The following ANO4 variants were observed in gnomAD, a reference collection of about 807,000 sequenced individuals.
ANO4 encodes the protein anoctamin-4.
Under a neutral mutation model 141.9 loss-of-function variants are expected in ANO4, and 69 were observed. That is an observed-to-expected ratio of 0.49 (90% confidence interval 0.40 to 0.59). The LOEUF is 0.59. ANO4 is among the 20% of genes least tolerant of loss of function. ANO4 has a pLI of 0.00. For missense variants in ANO4, 894 were observed against 1,162.2 expected, an observed-to-expected ratio of 0.77 and a Z score of 3.36; for synonymous variants, 350 against 394.3, an observed-to-expected ratio of 0.89 and a Z score of 1.33.
At chr12:100,769,764 G>T (rs1219318475) in intron 3 of ANO4, among the ~76,000 whole-genome samples, 1 of 152,146 alleles carries the variant, frequency 6.6e-6, no homozygotes, top group Non-Finnish European at 1.5e-5. Flanking sequence ...TGGTAGAGCT[G>T]CATTAAGTTG....
intron 14 of ANO4, among the ~76,000 whole-genome samples, chr12:101,078,669 A>T: frequency 6.6e-6 from 1 of 152,246 alleles, no homozygotes; most frequent in South Asian, 2.1e-4. Context: ...ACAGGAAAAT[A>T]TATTTTACAT....
intron 26 of ANO4, among the ~76,000 whole-genome samples, chr12:101,121,376 C>T (rs2051084280): frequency 6.6e-6 from 1 of 152,126 alleles, no homozygotes; most frequent in African/African-American, 2.4e-5. Context: ...AGATAATGGC[C>T]TCCAGCTACA....
chr12:100,850,746 A>G (rs905638995), intron 1 of ANO4, among the ~76,000 whole-genome samples: 5 of 152,190 alleles, frequency 3.3e-5, no homozygotes, highest in Admixed American at 3.3e-4. Context: ...TTCTACCTTT[A>G]TCATATGAAT....
At chr12:100,938,153 T>A (rs905648498) in intron 3 of ANO4, among the ~76,000 whole-genome samples, 3 of 152,220 alleles carry the variant, frequency 2.0e-5, no homozygotes, top group African/African-American at 4.8e-5. Flanking sequence ...TTGCCTAAAA[T>A]CACATGCTTG....
At chr12:101,048,434 T>G (rs1294960505) in intron 14 of ANO4, 33 bp downstream of exon 14, 2 of 1,575,368 alleles carry the variant, frequency 1.3e-6, no homozygotes, top group Non-Finnish European at 1.7e-6. Context: ...ACTTGAGTTT[T>G]CCTCATATGC....
At chr12:100,790,769 G>A (rs1285804240), upstream of ANO4, among the ~76,000 whole-genome samples, 2 of 152,176 alleles carry the variant, frequency 1.3e-5, no homozygotes, top group African/African-American at 4.8e-5. Context: ...AATTTTTGAA[G>A]ACTTGGATGC....
intron 14 of ANO4, among the ~76,000 whole-genome samples, chr12:101,063,745 C>CTTTTTTTTTTTTTTTTTTTTTTTT: frequency 4.0e-5 from 1 of 24,772 alleles, no homozygotes; most frequent in East Asian, 1.5e-3. Context: ...TCCAGGTTAT[C>CTTTTTTTTTTTTTTTTTTTTTTTT]TTTTTTTTTT....
chr12:100,824,425 C>T (rs1189086036), intron 1 of ANO4, among the ~76,000 whole-genome samples: 3 of 151,732 alleles, frequency 2.0e-5, no homozygotes, highest in African/African-American at 4.8e-5. Flanking sequence ...AAATTAAGAA[C>T]AAACAAACAA....
intron 1 of ANO4, among the ~76,000 whole-genome samples, chr12:100,823,913 A>C (rs768372930): frequency 1.8e-4 from 27 of 152,184 alleles, no homozygotes; most frequent in South Asian, 4.1e-4. Flanking sequence ...AGAATAGTTC[A>C]CATATAGCAA....
chr12:100,747,077 TTG>T (rs965888545), intron 3 of ANO4, among the ~76,000 whole-genome samples: 3 of 152,106 alleles, frequency 2.0e-5, no homozygotes, highest in African/African-American at 7.2e-5. Context: ...CAGACGTCAG[TTG>T]TGATATCTGA....
At chr12:100,870,112 C>G (rs948893473) in intron 1 of ANO4, among the ~76,000 whole-genome samples, 1 of 152,144 alleles carries the variant, frequency 6.6e-6, no homozygotes, top group Non-Finnish European at 1.5e-5. Flanking sequence ...AGAGGCCTAA[C>G]CCAGTGATGA....
intron 7 of ANO4, among the ~76,000 whole-genome samples, chr12:100,984,101 A>C (rs1341647269): frequency 6.6e-6 from 1 of 151,886 alleles, no homozygotes; most frequent in African/African-American, 2.4e-5. Flanking sequence ...CGGGGATTTT[A>C]TTTATTTATT....
In ANO4 at chr12:100,839,454, T is replaced by A. The variant is rs573788586; in HGVS notation, c.-141+44427T>A. ...TCTTTGTAATGTAGGTACAAGAATA[T>A]ATATTACAAAAAACAATCTGGGCAA... On this transcript the variant is annotated intron_variant, in intron 1 of 27. Coordinates refer to ENST00000392977, the MANE Select transcript of ANO4 (RefSeq NM_001286615.2). 2.6e-5 allele frequency among the ~76,000 whole-genome samples: 4 copies of A among 152,304 alleles called. No homozygotes were observed. In the South Asian group the frequency reaches 6.2e-4, roughly 24 times the overall value.
At chr12:101,123,214 A>G (rs2051164478) in intron 26 of ANO4, among the ~76,000 whole-genome samples, 1 of 152,194 alleles carries the variant, frequency 6.6e-6, no homozygotes, top group African/African-American at 2.4e-5. Flanking sequence ...TCTTCCCTGG[A>G]AATTATCTTA....
upstream of ANO4, among the ~76,000 whole-genome samples, chr12:100,794,043 A>G (rs565308974): frequency 5.8e-4 from 89 of 152,314 alleles, 1 homozygote; most frequent in South Asian, 0.018. Context: ...CATGTTAACT[A>G]TCTTCAGAAG....
At chr12:100,834,248 A>G (rs965456871) in intron 1 of ANO4, among the ~76,000 whole-genome samples, 1 of 152,148 alleles carries the variant, frequency 6.6e-6, no homozygotes, top group Non-Finnish European at 1.5e-5. Context: ...CAGCCCAGCT[A>G]CACCAGGGCA....
intron 13 of ANO4, among the ~76,000 whole-genome samples, chr12:101,046,340 C>T (rs932664418): frequency 6.6e-6 from 1 of 152,114 alleles, no homozygotes; most frequent in Non-Finnish European, 1.5e-5. Context: ...CCAGGAATAC[C>T]AGCACCTGTG....
intron 3 of ANO4, among the ~76,000 whole-genome samples, chr12:100,776,558 G>T (rs2033511023): frequency 6.6e-6 from 1 of 152,186 alleles, no homozygotes; most frequent in Admixed American, 6.5e-5. Flanking sequence ...GATCTCTTTT[G>T]TGGACCATTG....
intron 5 of ANO4, among the ~76,000 whole-genome samples, chr12:100,945,396 G>T (rs1018401368): frequency 2.0e-5 from 3 of 152,122 alleles, no homozygotes; most frequent in African/African-American, 7.2e-5. Context: ...TTAATATTCT[G>T]CAATTCAACT....
Sources: allele counts gnomAD v4.1 joint callset (sites outside exome capture counted in the v4.1 genomes callset), GRCh38; gene constraint gnomAD v4.1.1; transcripts MANE v1.5; gene names NCBI Gene and HGNC (gene_info 2026-07-23, HGNC 2026-07-21).